The following DPP10 variants were observed in gnomAD, a reference collection of about 807,000 sequenced individuals.
The protein encoded by DPP10 is dipeptidyl peptidase like 10, also known as inactive dipeptidyl peptidase 10.
Under a neutral mutation model 120.9 loss-of-function variants are expected in DPP10, and 33 were observed. That is an observed-to-expected ratio of 0.27 (90% CI 0.21 to 0.37). DPP10 has a LOEUF of 0.37. DPP10 is among the 10% of genes least tolerant of loss of function. The pLI is 1.00. For missense variants in DPP10, 816 were observed against 942.8 expected (o/e 0.87, Z 1.76); for synonymous variants, 337 against 326.1 (o/e 1.03, Z -0.36).
chr2:114,627,706 C>T (rs563867682), intron 1 of DPP10, among the ~76,000 whole-genome samples: 1 of 152,166 alleles, frequency 6.6e-6, no homozygotes, highest in African/African-American at 2.4e-5. Context: ...ACACTGACTA[C>T]AAGGTTTGAA....
chr2:115,528,340 C>A (rs572508804), intron 5 of DPP10, among the ~76,000 whole-genome samples: 1 of 150,888 alleles, frequency 6.6e-6, no homozygotes, highest in East Asian at 1.9e-4. Context: ...CACATGTACC[C>A]TAGAACTTAA....
intron 1 of DPP10, among the ~76,000 whole-genome samples, chr2:114,991,537 A>G (rs762833419): frequency 5.3e-5 from 8 of 152,262 alleles, no homozygotes; most frequent in Non-Finnish European, 1.2e-4. Context: ...TTTCTATTTT[A>G]CTGCCAACAA....
chr2:115,078,545 T>A (rs981499136), intron 1 of DPP10, among the ~76,000 whole-genome samples: 48 of 152,330 alleles, frequency 3.2e-4, no homozygotes, highest in Admixed American at 2.9e-3. Context: ...GCTGTTTGTA[T>A]AACGCAATAC....
intron 1 of DPP10, among the ~76,000 whole-genome samples, chr2:114,849,648 G>A (rs1688800855): frequency 6.6e-6 from 1 of 152,126 alleles, no homozygotes; most frequent in African/African-American, 2.4e-5. Flanking sequence ...CACCGTGAGT[G>A]GCCAAGGGAC....
At chr2:115,804,593 G>A (rs1261440391) in intron 19 of DPP10, among the ~76,000 whole-genome samples, 1 of 152,172 alleles carries the variant, frequency 6.6e-6, no homozygotes, top group East Asian at 1.9e-4. Context: ...TGATGGTGAT[G>A]TACAGATGGG....
chr2:115,639,444 C>T (rs529624394), intron 5 of DPP10, among the ~76,000 whole-genome samples: 49 of 152,204 alleles, frequency 3.2e-4, no homozygotes, highest in African/African-American at 1.2e-3. Flanking sequence ...AAGACAGTGG[C>T]AAACAGGAGT....
At chr2:115,481,276 A>G (rs2075411069) in intron 3 of DPP10, among the ~76,000 whole-genome samples, 1 of 152,086 alleles carries the variant, frequency 6.6e-6, no homozygotes, top group African/African-American at 2.4e-5. Context: ...AAGATCTTCT[A>G]TGTCATGAAT....
intron 1 of DPP10, among the ~76,000 whole-genome samples, chr2:114,702,028 G>C (rs1700413402): frequency 6.6e-6 from 1 of 152,116 alleles, no homozygotes; most frequent in African/African-American, 2.4e-5. Flanking sequence ...TTTACTCACT[G>C]TCTTTGAAGA....
intron 1 of DPP10, among the ~76,000 whole-genome samples, chr2:114,840,826 C>T (rs1273785830): frequency 1.3e-5 from 2 of 152,248 alleles, no homozygotes; most frequent in Non-Finnish European, 1.5e-5. Context: ...CTGTGATTTT[C>T]CCTGAACCTT....
At chr2:115,698,903 A>T (rs2091735209) in intron 7 of DPP10, among the ~76,000 whole-genome samples, 1 of 152,092 alleles carries the variant, frequency 6.6e-6, no homozygotes, top group Non-Finnish European at 1.5e-5. Context: ...AAACAAACTA[A>T]ACCTAAAGAT....
chr2:114,717,279 G>T (rs901473088), intron 1 of DPP10, among the ~76,000 whole-genome samples: 2 of 152,158 alleles, frequency 1.3e-5, no homozygotes, highest in Admixed American at 1.3e-4. Flanking sequence ...GTAGGTCTGC[G>T]AATTCTCAGA....
intron 3 of DPP10, among the ~76,000 whole-genome samples, chr2:115,465,245 G>A (rs1007584962): frequency 6.6e-6 from 1 of 152,076 alleles, no homozygotes; most frequent in African/African-American, 2.4e-5. Context: ...TGCACGTAAT[G>A]CTGTTATTTC....
At chr2:115,164,430 G>T (rs1157090399) in intron 1 of DPP10, among the ~76,000 whole-genome samples, 1 of 151,526 alleles carries the variant, frequency 6.6e-6, no homozygotes, top group Admixed American at 6.6e-5. Flanking sequence ...TTAGTTGTGT[G>T]TTTTCTATAA....
At chr2:115,815,575 A>C in intron 20 of DPP10, 100 bp from the exon 21 acceptor site, 1 of 1,005,958 alleles carries the variant, frequency 9.9e-7, no homozygotes, top group Non-Finnish European at 1.4e-6. Flanking sequence ...AAGCATTTCT[A>C]GTCATTAGCT....
chr2:115,299,521 A>G (rs1039941883), intron 1 of DPP10, among the ~76,000 whole-genome samples: 2 of 152,076 alleles, frequency 1.3e-5, no homozygotes, highest in African/African-American at 4.8e-5. Context: ...TGTTTTGCTC[A>G]ACCCTAATTG....
At chr2:115,589,279 A>G (rs2082478531) in intron 5 of DPP10, among the ~76,000 whole-genome samples, 1 of 152,216 alleles carries the variant, frequency 6.6e-6, no homozygotes, top group African/African-American at 2.4e-5. Context: ...AAATATTAAT[A>G]GAGAATGCAT....
chr2:115,677,075 A>AT (rs1461591357), intron 5 of DPP10, among the ~76,000 whole-genome samples: 1 of 152,174 alleles, frequency 6.6e-6, no homozygotes, highest in Non-Finnish European at 1.5e-5. Flanking sequence ...AGCCAGAAAT[A>AT]TAACACTCAG....
At chr2:115,152,411 A>T (rs185026902) in intron 1 of DPP10, among the ~76,000 whole-genome samples, 1 of 152,310 alleles carries the variant, frequency 6.6e-6, no homozygotes, top group African/African-American at 2.4e-5. Flanking sequence ...TTTGGGGGCT[A>T]AACTTTACAT....
intron 1 of DPP10, among the ~76,000 whole-genome samples, chr2:114,963,194 G>C (rs563124531): frequency 6.6e-6 from 1 of 152,272 alleles, no homozygotes; most frequent in African/African-American, 2.4e-5. Flanking sequence ...TTTTAAGTAT[G>C]GGCCATATTG....
Sources: allele counts gnomAD v4.1 joint callset (sites outside exome capture counted in the v4.1 genomes callset), GRCh38; gene constraint gnomAD v4.1.1; transcripts MANE v1.5; gene names NCBI Gene and HGNC (gene_info 2026-07-23, HGNC 2026-07-21).